DEGS2: variants seen among roughly 807,000 people sequenced by gnomAD.
DEGS2 encodes delta 4-desaturase, sphingolipid 2, also known as sphingolipid delta(4)-desaturase/C4-monooxygenase DES2.
Under a neutral mutation model 23.8 loss-of-function variants are expected in DEGS2, and 19 were observed. That is an observed-to-expected ratio of 0.80 (90% CI 0.56 to 1.17). The LOEUF (loss-of-function observed/expected upper bound fraction) is 1.17, where lower values mean the gene tolerates loss of function less well. DEGS2 is among the 50% of genes most tolerant of loss of function. The pLI, the probability that DEGS2 is intolerant of heterozygous loss-of-function variation, is 0.00. For missense variants in DEGS2, 390 were observed against 459.5 expected (o/e 0.85, Z 1.38); for synonymous variants, 218 against 213.7 (o/e 1.02, Z -0.18).
In DEGS2 at chr14:100,149,090, TGTA is replaced by T; in HGVS notation, c.700_702del (p.Tyr234del). On this transcript the variant is annotated inframe_deletion, in exon 2 of 3. Coordinates refer to ENST00000305631, the MANE Select transcript of DEGS2 (RefSeq NM_206918.3). The stretch of plus-strand genomic sequence containing the variant: ...TAGGTCTCGTGGCCCTTGAGGAACA[TGTA>T]GTGCTCGGCCACGAAGTGGCCCGAG... 1.6e-5 allele frequency: 26 copies of T among 1,612,872 alleles called. No individual in the cohort carries two copies. The highest frequency in any genetic ancestry group is 2.2e-5 in the Non-Finnish European group (26 of 1,179,976).
upstream of DEGS2, among the ~76,000 whole-genome samples, chr14:100,162,206 G>A (rs1048709278): frequency 4.6e-5 from 7 of 151,648 alleles, no homozygotes; most frequent in Non-Finnish European, 1.0e-4. Flanking sequence ...AAAATTAGCT[G>A]GGCATGGTGG....
chr14:100,149,709 G>T lies in DEGS2; in HGVS notation c.84C>A (p.Ala28=), dbSNP rs747305180. The T allele has an allele frequency of 5.6e-6, 9 of 1,595,668 alleles. No individual in the cohort carries two copies. The highest frequency in any genetic ancestry group is 5.1e-5 in the Admixed American group (3 of 58,272). ...TCAGGGCCTTGATGGCCGGGTACTT[G>T]GCTGCAAGGAAGACAGGGAGGTATG... ...PHTQRRKEIL[A]KYPAIKALMR... The change falls in exon 2 of 3, where the codon GCC becomes GCA. Residue 28 remains alanine, a splice_region_variant and synonymous_variant. Transcript: ENST00000305631.
chr14:100,147,057 A>C, intron 2 of DEGS2, 150 bp from the exon 3 acceptor site: 4 of 856,020 alleles, frequency 4.7e-6, no homozygotes, highest in Non-Finnish European at 7.0e-6. Context: ...ACACACACAC[A>C]TGGGTGTACA....
the DEGS2 span, among the ~76,000 whole-genome samples, chr14:100,165,515 TG>T: frequency 1.3e-5 from 2 of 152,202 alleles, no homozygotes; most frequent in African/African-American, 4.8e-5. Flanking sequence ...TTTCAAGCAG[TG>T]GGCGCAGCTA....
chr14:100,149,022 G>A lies in DEGS2; in HGVS notation c.771C>T (p.Gly257=). The A allele has an allele frequency of 1.2e-6, 2 of 1,612,868 alleles. No homozygotes were observed. Among genetic ancestry groups the A allele is most frequent in the East Asian group, 2.2e-5 (1 of 44,880 alleles). The change falls in exon 2 of 3, where the codon GGC becomes GGT. Residue 257 remains glycine, a synonymous_variant. Transcript: ENST00000305631. ...GPLNWITFNV[G]YHVEHHDFPS... ...GGAAGTCGTGGTGCTCCACGTGGTA[G>A]CCCACATTGAAGGTGATCCAGTTGA...
chr14:100,153,525 C>A lies in DEGS2; in HGVS notation c.83-3815G>T, dbSNP rs1470964059. Among the ~76,000 whole-genome samples the A allele has an allele frequency of 2.6e-5, 4 of 152,190 alleles. No homozygotes were observed. In the East Asian group the frequency reaches 7.7e-4, roughly 29 times the overall value. On this transcript the variant is annotated intron_variant, in intron 1 of 2. Coordinates refer to ENST00000305631, the MANE Select transcript of DEGS2 (RefSeq NM_206918.3). ...GAGAAGGACAGGGAGAGACACAGCT[C>A]CCTGGCAGCCCCATGAGGAATTGCA...
intron 1 of DEGS2, among the ~76,000 whole-genome samples, chr14:100,158,419 G>T (rs558916289): frequency 6.6e-6 from 1 of 151,910 alleles, no homozygotes; most frequent in Non-Finnish European, 1.5e-5. Flanking sequence ...AAAATTAGCC[G>T]GGTGTGGTGG....
At position 100,146,625 on chromosome 14, in the gene DEGS2, G is replaced by T; in HGVS notation, c.*136C>A. The T allele has an allele frequency of 7.7e-7, 1 of 1,293,176 alleles. No homozygotes were observed. Among genetic ancestry groups the T allele is most frequent in the South Asian group, 1.4e-5 (1 of 70,814 alleles). 80.1% of individuals were successfully genotyped at this position (1,293,176 alleles called of 1,614,324 possible). Reference sequence around the variant, plus strand: ...GCAGCCCACACTGCTGTTGCCAGGTGTGGCTGCGCGGGACACTCCTCGGGG... The same window carrying T: ...GCAGCCCACACTGCTGTTGCCAGGTTTGGCTGCGCGGGACACTCCTCGGGG... On this transcript the variant is annotated 3_prime_UTR_variant, in exon 3 of 3. Transcript: ENST00000305631.
chr14:100,162,608 C>A (rs1889762238), upstream of DEGS2, among the ~76,000 whole-genome samples: 1 of 151,832 alleles, frequency 6.6e-6, no homozygotes, highest in Non-Finnish European at 1.5e-5. Flanking sequence ...TGGGAGTGTA[C>A]ACACACACAC....
intron 1 of DEGS2, among the ~76,000 whole-genome samples, chr14:100,149,920 G>T (rs565034903): frequency 2.6e-5 from 4 of 152,370 alleles, no homozygotes; most frequent in South Asian, 2.1e-4. Flanking sequence ...CAGAGGGCAG[G>T]ACTCCAGCAG....
In DEGS2 at chr14:100,152,450, G is replaced by A. The variant is rs142001617; in HGVS notation, c.83-2740C>T. On this transcript the variant is annotated intron_variant, in intron 1 of 2. Transcript: ENST00000305631. Reference sequence around the variant, plus strand: ...CTGGCAGAGGGTAAGTGGACTGAGTGAGGAAGGCCCGCCCACAATGTGGGC... The same window carrying A: ...CTGGCAGAGGGTAAGTGGACTGAGTAAGGAAGGCCCGCCCACAATGTGGGC... Among the ~76,000 whole-genome samples, 11 of 152,300 alleles carry A rather than the reference G, an allele frequency of 7.2e-5. No individual in the cohort carries two copies. In the East Asian group the frequency reaches 2.1e-3, roughly 29 times the overall value.
intron 1 of DEGS2, among the ~76,000 whole-genome samples, chr14:100,154,475 A>G (rs2140423973): frequency 6.6e-6 from 1 of 152,290 alleles, no homozygotes; most frequent in South Asian, 2.1e-4. Context: ...TCTGTAAGGC[A>G]TCTGCTCTGA....
intron 2 of DEGS2, among the ~76,000 whole-genome samples, chr14:100,148,330 A>G (rs1566740389): frequency 6.6e-6 from 1 of 151,946 alleles, no homozygotes; most frequent in Non-Finnish European, 1.5e-5. Context: ...CCCCAGTGCC[A>G]CCTCCTCCCG....
In DEGS2 at chr14:100,149,718, G is replaced by C. The variant is rs556653486; in HGVS notation, c.83-8C>G. On this transcript the variant is annotated splice_region_variant and splice_polypyrimidine_tract_variant and intron_variant, in intron 1 of 2. Transcript: ENST00000305631. ...TGATGGCCGGGTACTTGGCTGCAAG[G>C]AAGACAGGGAGGTATGAGGCCCCGC... 1 of 1,589,006 alleles carries C rather than the reference G, an allele frequency of 6.3e-7. No homozygotes were observed. Among genetic ancestry groups the C allele is most frequent in the Non-Finnish European group, 8.6e-7 (1 of 1,166,784 alleles).
At position 100,146,845 on chromosome 14, in the gene DEGS2, C is replaced by G. The variant is rs1172050919; in HGVS notation, c.888G>C (p.Val296=). The G allele has an allele frequency of 6.2e-7, 1 of 1,613,822 alleles. No homozygotes were observed. Among genetic ancestry groups the G allele is most frequent in the Non-Finnish European group, 8.5e-7 (1 of 1,179,936 alleles). Residue 296 remains valine (V), a synonymous_variant, in exon 3 of 3, where the codon GTG becomes GTC. Transcript: ENST00000305631. The part of the protein sequence containing the change: ...HLPQHHSWVK[V]LWDFVFEDSL... ...AGTCCTCAAACACAAAATCCCAGAG[C>G]ACCTTCACCCAGGAGTGGTGCTGCG...
chr14:100,152,258 G>C (rs1454935069), intron 1 of DEGS2, among the ~76,000 whole-genome samples: 1 of 149,864 alleles, frequency 6.7e-6, no homozygotes, highest in Non-Finnish European at 1.5e-5. Context: ...ATGGGAAGGA[G>C]ATGCCAGGGT....
chr14:100,156,684 G>A (rs1329362683), intron 1 of DEGS2, among the ~76,000 whole-genome samples: 6 of 152,180 alleles, frequency 3.9e-5, no homozygotes, highest in Non-Finnish European at 1.5e-5. Flanking sequence ...AGCCATGGAG[G>A]GGAACCCAGA....
intron 1 of DEGS2, among the ~76,000 whole-genome samples, chr14:100,157,654 C>T (rs1010994508): frequency 6.6e-6 from 1 of 152,234 alleles, no homozygotes; most frequent in East Asian, 1.9e-4. Context: ...GTCACAAACC[C>T]ACATAGAGGC....
chr14:100,164,932 C>T, the DEGS2 span, among the ~76,000 whole-genome samples: 3 of 152,170 alleles, frequency 2.0e-5, no homozygotes, highest in African/African-American at 4.8e-5. Flanking sequence ...CAACAAAAAA[C>T]GAAGAATGGA....
Sources: allele counts gnomAD v4.1 joint callset (sites outside exome capture counted in the v4.1 genomes callset), GRCh38; gene constraint gnomAD v4.1.1; transcripts MANE v1.5; gene names NCBI Gene and HGNC (gene_info 2026-07-23, HGNC 2026-07-21).